PLOD2: variants seen among roughly 807,000 people sequenced by gnomAD.
PLOD2 encodes lysine hydroxylase 2.
PLOD2 carries 65 observed loss-of-function variants against 101.0 expected under a neutral mutation model. The observed-to-expected ratio is 0.64, with a 90% CI of 0.53 to 0.79. The LOEUF is 0.79. Among genes scored for constraint, PLOD2 ranks in the 30% least tolerant of loss-of-function variants. The pLI is 0.00. For synonymous variants in PLOD2, 314 were observed against 302.9 expected, an observed-to-expected ratio of 1.04 and a Z score of -0.38; for missense variants, 909 against 914.6, an observed-to-expected ratio of 0.99 and a Z score of 0.08.
intron 5 of PLOD2, chr3:146,104,839 AAC>A (rs1185507510): frequency 1.3e-5 from 2 of 155,274 alleles, no homozygotes; most frequent in African/African-American, 4.8e-5. Flanking sequence ...AAAATAAAAA[AAC>A]AGATTTTCCT....
intron 15 of PLOD2, chr3:146,073,779 C>T (rs1339895738): frequency 1.3e-5 from 2 of 151,430 alleles, no homozygotes; most frequent in African/African-American, 4.8e-5. Context: ...AATATATACA[C>T]AGAGTAGGTA....
At chr3:146,151,203 G>T (rs1043349143) in intron 1 of PLOD2, among the ~76,000 whole-genome samples, 1 of 152,258 alleles carries the variant, frequency 6.6e-6, no homozygotes, top group South Asian at 2.1e-4. Context: ...ACACTTAAAA[G>T]TCAAGAGACA....
At chr3:146,136,198 T>G (rs767203864) in intron 1 of PLOD2, among the ~76,000 whole-genome samples, 3 of 152,176 alleles carry the variant, frequency 2.0e-5, no homozygotes, top group Non-Finnish European at 4.4e-5. Context: ...CATATTTTCT[T>G]CCAGTACTTT....
At position 146,086,548 on chromosome 3, in the gene PLOD2, C is replaced by T. The variant is rs79024662; in HGVS notation, c.1127+239G>A. On this transcript the variant is annotated intron_variant, in intron 10 of 19. Transcript: ENST00000282903. The stretch of plus-strand genomic sequence containing the variant: ...AAAAAAAATTGATCTTACCTTGATT[C>T]ATCATTTGATTAAATATGTGGACTC... The T allele has an allele frequency of 9.2e-3, 2,353 of 256,564 alleles. 59 individuals carry two copies. Among genetic ancestry groups the T allele is most frequent in the African/African-American group, 0.048 (2,151 of 44,658 alleles). The allele number at this position is 256,564 out of a possible 1,614,324, so 15.9% of individuals were successfully genotyped here.
At chr3:146,081,581 T>C (rs1936541853) in intron 12 of PLOD2, among the ~76,000 whole-genome samples, 157 bp downstream of exon 12, 1 of 152,166 alleles carries the variant, frequency 6.6e-6, no homozygotes, top group African/African-American at 2.4e-5. Flanking sequence ...ATTAGTTTTA[T>C]ACTAGTATTT....
At chr3:146,077,288 A>T in intron 14 of PLOD2, 2 of 375,122 alleles carry the variant, frequency 5.3e-6, no homozygotes, top group Non-Finnish European at 7.4e-6. Flanking sequence ...ATTTTTAATC[A>T]AGAATTCACT....
chr3:146,130,712 T>C (rs1407189954), intron 1 of PLOD2, among the ~76,000 whole-genome samples: 1 of 152,142 alleles, frequency 6.6e-6, no homozygotes, highest in African/African-American at 2.4e-5. Context: ...ACCTAACAAA[T>C]TACTAGTAGG....
At chr3:146,109,952 T>C (rs1219673633) in intron 4 of PLOD2, among the ~76,000 whole-genome samples, 2 of 152,248 alleles carry the variant, frequency 1.3e-5, no homozygotes, top group African/African-American at 2.4e-5. Context: ...ACTAAACTTA[T>C]TATCCTAGAG....
intron 9 of PLOD2, among the ~76,000 whole-genome samples, chr3:146,088,150 C>T (rs1022285971): frequency 3.3e-5 from 5 of 151,590 alleles, no homozygotes; most frequent in African/African-American, 1.2e-4. Flanking sequence ...TGGGGAATGG[C>T]ATGCCCTTGT....
At chr3:146,080,642 C>A (rs1235996878) in intron 12 of PLOD2, among the ~76,000 whole-genome samples, 1 of 151,984 alleles carries the variant, frequency 6.6e-6, no homozygotes, top group African/African-American at 2.4e-5. Flanking sequence ...GGAGGTTGGA[C>A]AGAAAATCAC....
intron 7 of PLOD2, among the ~76,000 whole-genome samples, chr3:146,095,466 C>G (rs181361207): frequency 3.3e-5 from 5 of 152,112 alleles, no homozygotes; most frequent in Non-Finnish European, 1.5e-5. Context: ...AAAAGCTCAT[C>G]ATCACTGGTC....
At chr3:146,102,582 T>C (rs1183404408) in intron 7 of PLOD2, among the ~76,000 whole-genome samples, 173 bp downstream of exon 7, 1 of 152,180 alleles carries the variant, frequency 6.6e-6, no homozygotes, top group African/African-American at 2.4e-5. Context: ...ATCAGTTTGA[T>C]TAATTAATTA....
intron 3 of PLOD2, among the ~76,000 whole-genome samples, chr3:146,112,035 ACT>A (rs1937657856): frequency 6.6e-6 from 1 of 152,034 alleles, no homozygotes; most frequent in East Asian, 1.9e-4. Flanking sequence ...ACGATTGGAG[ACT>A]CTGACTAAAC....
chr3:146,119,859 T>C (rs1303746550), intron 3 of PLOD2, among the ~76,000 whole-genome samples: 1 of 152,230 alleles, frequency 6.6e-6, no homozygotes, highest in Non-Finnish European at 1.5e-5. Flanking sequence ...ACATCTGGGT[T>C]GGTTCCAAGT....
chr3:146,141,519 T>TA (rs1199503966), intron 1 of PLOD2, among the ~76,000 whole-genome samples: 2 of 152,074 alleles, frequency 1.3e-5, no homozygotes, highest in Non-Finnish European at 2.9e-5. Context: ...GCCCTGCAAA[T>TA]ACTCCTCAAA....
intron 1 of PLOD2, among the ~76,000 whole-genome samples, chr3:146,133,658 T>C (rs1467049989): frequency 6.6e-6 from 1 of 152,192 alleles, no homozygotes; most frequent in Admixed American, 6.5e-5. Flanking sequence ...AGCCAAGGAC[T>C]ATACACTGAG....
At chr3:146,084,793 G>A (rs1003105941) in intron 11 of PLOD2, among the ~76,000 whole-genome samples, 1 of 152,028 alleles carries the variant, frequency 6.6e-6, no homozygotes. Flanking sequence ...TGATACTAAG[G>A]ACTACAACTC....
At chr3:146,114,178 C>T (rs1201680764) in intron 3 of PLOD2, among the ~76,000 whole-genome samples, 1 of 152,084 alleles carries the variant, frequency 6.6e-6, no homozygotes, top group Non-Finnish European at 1.5e-5. Flanking sequence ...ATTTCATTAG[C>T]AATTTTAATT....
At chr3:146,136,337 C>G (rs2031226652) in intron 1 of PLOD2, among the ~76,000 whole-genome samples, 1 of 152,126 alleles carries the variant, frequency 6.6e-6, no homozygotes, top group Admixed American at 6.5e-5. Flanking sequence ...ATCCAAAATT[C>G]AAACTAAAAC....
Sources: gnomAD v4.1 joint callset for allele counts (sites outside exome capture counted in the v4.1 genomes callset) on GRCh38, gnomAD v4.1.1 for gene constraint, MANE v1.5 for transcripts, NCBI Gene and HGNC (gene_info 2026-07-23, HGNC 2026-07-21) for gene names.